STK31: variants seen among roughly 807,000 people sequenced by gnomAD.
The protein encoded by STK31 is serine/threonine-protein kinase 31.
In STK31, 89 loss-of-function variants were observed where a neutral mutation model predicts 129.7. The ratio of observed to expected loss-of-function variants is 0.69; its 90% CI spans 0.58 to 0.82. STK31 has a LOEUF of 0.82. STK31 is among the 40% of genes least tolerant of loss of function. The probability of loss-of-function intolerance (pLI) is 0.00; values close to 1 mark genes in which losing one functional copy is unlikely to be tolerated. For synonymous variants in STK31, 448 were observed against 395.3 expected (o/e 1.13, Z -1.58); for missense variants, 1,187 against 1,176.4 (o/e 1.01, Z -0.13).
intron 22 of STK31, among the ~76,000 whole-genome samples, chr7:23,812,269 T>C (rs577987275): frequency 2.0e-4 from 31 of 152,144 alleles, no homozygotes; most frequent in African/African-American, 6.0e-4. Flanking sequence ...ATGTGCTACT[T>C]CCTTCGGTCT....
At chr7:23,715,358 C>T (rs993544251) in intron 3 of STK31, among the ~76,000 whole-genome samples, 1 of 151,656 alleles carries the variant, frequency 6.6e-6, no homozygotes, top group African/African-American at 2.4e-5. Context: ...TGGCTCATGC[C>T]TGTAATCCCA....
At chr7:23,713,053 T>G (rs149524197) in intron 3 of STK31, among the ~76,000 whole-genome samples, 12 of 152,284 alleles carry the variant, frequency 7.9e-5, no homozygotes, top group East Asian at 3.9e-4. Context: ...CTTAAATATA[T>G]AGTCATGCAT....
chr7:23,725,511 C>T (rs1450323446), intron 4 of STK31, among the ~76,000 whole-genome samples: 3 of 152,140 alleles, frequency 2.0e-5, no homozygotes, highest in Non-Finnish European at 2.9e-5. Context: ...CCACTGCACT[C>T]CAGCCTGGAC....
chr7:23,787,944 T>C, intron 20 of STK31, 36 bp from the exon 21 acceptor site: 1 of 1,475,920 alleles, frequency 6.8e-7, no homozygotes, highest in Non-Finnish European at 9.0e-7. Flanking sequence ...ATGATTTGCC[T>C]ACTTCCTCAC....
intron 22 of STK31, among the ~76,000 whole-genome samples, chr7:23,814,859 A>G (rs1793373401): frequency 6.6e-6 from 1 of 152,188 alleles, no homozygotes; most frequent in Non-Finnish European, 1.5e-5. Flanking sequence ...GGTGAGGCTA[A>G]CATAATATAG....
At chr7:23,766,725 T>G (rs755110918) in intron 11 of STK31, among the ~76,000 whole-genome samples, 18 of 152,224 alleles carry the variant, frequency 1.2e-4, no homozygotes, top group Non-Finnish European at 2.2e-4. Context: ...TTTCTTTAAT[T>G]GTAGGTAATA....
At chr7:23,802,667 C>G (rs1346237523) in intron 22 of STK31, among the ~76,000 whole-genome samples, 3 of 152,168 alleles carry the variant, frequency 2.0e-5, no homozygotes. Flanking sequence ...GCACCCGCCA[C>G]CACACTCGGC....
chr7:23,721,358 C>T (rs1786677663), intron 4 of STK31: 6 of 800,248 alleles, frequency 7.5e-6, no homozygotes, highest in African/African-American at 3.5e-5. Flanking sequence ...CAGGAAGGGG[C>T]AGCGTTGTGA....
At chr7:23,744,357 T>G (rs1034377388) in intron 8 of STK31, among the ~76,000 whole-genome samples, 1 of 152,002 alleles carries the variant, frequency 6.6e-6, no homozygotes, top group African/African-American at 2.4e-5. Flanking sequence ...ATTGTTTTTC[T>G]GATTTCTTTA....
intron 22 of STK31, among the ~76,000 whole-genome samples, chr7:23,794,582 A>G (rs7777127): frequency 0.47 from 70,828 of 152,060 alleles, 16,959 homozygotes; most frequent in Admixed American, 0.55. Flanking sequence ...TGGAGGGCTC[A>G]GAAGAGGACA....
At chr7:23,754,785 T>C (rs1386526478) in intron 10 of STK31, among the ~76,000 whole-genome samples, 2 of 152,226 alleles carry the variant, frequency 1.3e-5, no homozygotes, top group East Asian at 3.9e-4. Context: ...TTGCCGAAGA[T>C]GATGGCTTCC....
chr7:23,803,612 T>C lies in STK31; in HGVS notation c.2761-11532T>C, dbSNP rs1288804730. On this transcript the variant is annotated intron_variant, in intron 22 of 23. Transcript: ENST00000355870. ...TAAACGTTTAAATTAGGTTTGGGGGTACATATGCAGGTTTGTTATATAGAT... is the reference window on the plus strand; with the variant it reads ...TAAACGTTTAAATTAGGTTTGGGGGCACATATGCAGGTTTGTTATATAGAT... Among the ~76,000 whole-genome samples the C allele has an allele frequency of 2.0e-5, 3 of 152,112 alleles. No homozygotes were observed. The East Asian group carries it at 5.8e-4, about 29-fold the overall frequency.
At chr7:23,727,061 T>C (rs1176856970) in intron 4 of STK31, among the ~76,000 whole-genome samples, 180 bp from the exon 5 acceptor site, 4 of 152,218 alleles carry the variant, frequency 2.6e-5, no homozygotes, top group Non-Finnish European at 5.9e-5. Flanking sequence ...TTTACTAGTT[T>C]ATGTCTTTGG....
At chr7:23,750,067 T>TCTCCCCCCCCCC (rs1788612132) in intron 8 of STK31, among the ~76,000 whole-genome samples, 1 of 90,556 alleles carries the variant, frequency 1.1e-5, no homozygotes, top group Non-Finnish European at 2.3e-5. Flanking sequence ...ATGGTTTGTT[T>TCTCCCCCCCCCC]CCCCCCCCGC....
chr7:23,730,878 A>ATTTTTT (rs60712892), intron 6 of STK31, among the ~76,000 whole-genome samples: 54 of 59,528 alleles, frequency 9.1e-4, no homozygotes, highest in Admixed American at 1.1e-3. Context: ...ATATATATAT[A>ATTTTTT]TTTTTTTTTT....
At position 23,736,913 on chromosome 7, in the gene STK31, G is replaced by T; in HGVS notation, c.852G>T (p.Leu284Phe). The T allele has an allele frequency of 1.2e-6, 2 of 1,601,812 alleles. No individual in the cohort carries two copies. The highest frequency in any genetic ancestry group is 1.1e-5 in the South Asian group (1 of 88,490). Residue 284 changes from leucine (L) to phenylalanine (F), a missense_variant, in exon 8 of 24, where the codon TTG becomes TTT. Coordinates refer to ENST00000355870, the MANE Select transcript of STK31 (RefSeq NM_031414.5). ...GAATTTGTTTTTATAGGGAAAGTTT[G>T]GCTGTTGGTGACTTTAATTTAGGGT... Reference protein sequence around the residue: ...GNLITFPKESLAVGDFNLGSN... With the variant: ...GNLITFPKESFAVGDFNLGSN...
chr7:23,724,048 A>G (rs1786898758), intron 4 of STK31, among the ~76,000 whole-genome samples: 1 of 152,256 alleles, frequency 6.6e-6, no homozygotes. Context: ...AAAAACATGC[A>G]AGAATCAAAA....
At chr7:23,792,156 G>C (rs1281143322) in intron 22 of STK31, among the ~76,000 whole-genome samples, 20 of 152,064 alleles carry the variant, frequency 1.3e-4, no homozygotes, top group Admixed American at 1.3e-3. Flanking sequence ...GTCAAAAAAA[G>C]AAATAAAAGT....
intron 3 of STK31, among the ~76,000 whole-genome samples, chr7:23,713,040 G>T (rs192290512): frequency 6.6e-6 from 1 of 152,232 alleles, no homozygotes; most frequent in Admixed American, 6.5e-5. Context: ...TTAACCCAGA[G>T]TTCTTAAATA....
Sources: gnomAD v4.1 joint callset for allele counts (sites outside exome capture counted in the v4.1 genomes callset) on GRCh38, gnomAD v4.1.1 for gene constraint, MANE v1.5 for transcripts, NCBI Gene and HGNC (gene_info 2026-07-23, HGNC 2026-07-21) for gene names.